Variants in VLDLR observed in about 807,000 individuals in gnomAD.
VLDLR encodes very low-density lipoprotein receptor.
Under a neutral mutation model 112.7 loss-of-function variants are expected in VLDLR, and 81 were observed. The ratio of observed to expected loss-of-function variants is 0.72; its 90% CI spans 0.60 to 0.86. VLDLR has a LOEUF of 0.86. Among genes scored for constraint, VLDLR ranks in the 40% least tolerant of loss-of-function variants. VLDLR has a pLI of 0.00. For missense variants in VLDLR, 1,237 were observed against 1,099.4 expected (o/e 1.13, Z -1.77); for synonymous variants, 436 against 384.8 (o/e 1.13, Z -1.56).
chr9:2,637,370 C>T (rs919033896), intron 2 of VLDLR, among the ~76,000 whole-genome samples: 1 of 152,150 alleles, frequency 6.6e-6, no homozygotes, highest in Non-Finnish European at 1.5e-5. Flanking sequence ...TTCTGTTGGT[C>T]CCATTAACTC....
chr9:2,651,755 ATTG>A lies in VLDLR; in HGVS notation c.2336-114_2336-112del, dbSNP rs1236474080. 5 of 1,130,722 alleles carry A rather than the reference ATTG, an allele frequency of 4.4e-6. No individual in the cohort carries two copies. The South Asian group carries it at 6.5e-5, about 15-fold the overall frequency. The allele number at this position is 1,130,722 out of a possible 1,614,324, so 70.0% of individuals were successfully genotyped here. ...AAGCCAGAGTTGTTCCTGGTGTTCA[ATTG>A]TTGTAGATACTGAACATCAATATTG... is the stretch of plus-strand genomic sequence containing the variant. On this transcript the variant is annotated intron_variant, in intron 16 of 18. Coordinates refer to ENST00000382100, the MANE Select transcript of VLDLR (RefSeq NM_003383.5).
intron 14 of VLDLR, among the ~76,000 whole-genome samples, chr9:2,649,703 A>T (rs888418978): frequency 6.6e-6 from 1 of 152,194 alleles, no homozygotes. Flanking sequence ...ATTGGATTAG[A>T]GCCCACCTTA....
chr9:2,633,971 T>G (rs1265137449), intron 1 of VLDLR, among the ~76,000 whole-genome samples: 2 of 152,136 alleles, frequency 1.3e-5, no homozygotes, highest in Non-Finnish European at 2.9e-5. Flanking sequence ...ATCCCTAGTA[T>G]ATTACAACCA....
In VLDLR at chr9:2,643,297, C is replaced by T. The variant is rs1198650593; in HGVS notation, c.586C>T (p.His196Tyr). The change falls in exon 5 of 19, where the codon CAT becomes TAT. Residue 196 changes from histidine to tyrosine, a missense_variant. Coordinates refer to ENST00000382100, the MANE Select transcript of VLDLR (RefSeq NM_003383.5). ...CTGTGCCCCGCCAACCTGTGGCGCCCATGAGTTCCAGTGCAGCACCTCCTC... is the reference window on the plus strand; with the variant it reads ...CTGTGCCCCGCCAACCTGTGGCGCCTATGAGTTCCAGTGCAGCACCTCCTC... ...LDCAPPTCGA[H>Y]EFQCSTSSCI... 6.2e-7 allele frequency: 1 copy of T among 1,613,754 alleles called. No homozygotes were observed. The highest frequency in any genetic ancestry group is 8.5e-7 in the Non-Finnish European group (1 of 1,179,688).
intron 4 of VLDLR, among the ~76,000 whole-genome samples, chr9:2,642,784 T>C (rs1817883677): frequency 6.6e-6 from 1 of 152,236 alleles, no homozygotes; most frequent in Non-Finnish European, 1.5e-5. Flanking sequence ...TATTCTCAAC[T>C]AGTGATAAGA....
intron 10 of VLDLR, among the ~76,000 whole-genome samples, 172 bp downstream of exon 10, chr9:2,645,917 T>C (rs1270489564): frequency 6.6e-6 from 1 of 152,230 alleles, no homozygotes; most frequent in Non-Finnish European, 1.5e-5. Flanking sequence ...CACTTCCTAA[T>C]TAGAAACTAA....
At chr9:2,641,926 C>T (rs1238804626) in intron 4 of VLDLR, among the ~76,000 whole-genome samples, 2 of 149,428 alleles carry the variant, frequency 1.3e-5, no homozygotes, top group Admixed American at 6.7e-5. Context: ...ATTATACAAG[C>T]ATTTCTTTGC....
In VLDLR at chr9:2,653,355, T is replaced by G. The variant is rs139255497; in HGVS notation, c.2586+406T>G. Among the ~76,000 whole-genome samples the G allele has an allele frequency of 8.4e-3, 1,282 of 152,316 alleles. 25 individuals are homozygous for G. The highest frequency in any genetic ancestry group is 0.03 in the African/African-American group (1,232 of 41,566). ...AAGATTCACTTAGCCAAAATTATTA[T>G]ATGCTTTGCTTTAAAAAGGTATCCC... On this transcript the variant is annotated intron_variant, in intron 18 of 18. Transcript: ENST00000382100.
chr9:2,635,525 G>A lies in VLDLR; in HGVS notation c.155G>A (p.Cys52Tyr), dbSNP rs1261902702. The A allele has an allele frequency of 1.2e-6, 2 of 1,614,164 alleles. No homozygotes were observed. The highest frequency in any genetic ancestry group is 8.5e-7 in the Non-Finnish European group (1 of 1,179,996). Residue 52 changes from cysteine (C) to tyrosine (Y), a missense_variant, in exon 2 of 19, where the codon TGT becomes TAT. Transcript: ENST00000382100. Reference sequence around the variant, plus strand: ...CGCTGTATTACGCTGTTGTGGAAATGTGATGGGGATGAAGACTGTGTTGAC... The same window carrying A: ...CGCTGTATTACGCTGTTGTGGAAATATGATGGGGATGAAGACTGTGTTGAC... ...NGRCITLLWK[C>Y]DGDEDCVDGS...
chr9:2,628,876 G>T (rs1817215777), intron 1 of VLDLR, among the ~76,000 whole-genome samples: 1 of 152,164 alleles, frequency 6.6e-6, no homozygotes, highest in African/African-American at 2.4e-5. Flanking sequence ...CATGTGTATT[G>T]TAAAAGAGGC....
At position 2,622,142 on chromosome 9, in the gene VLDLR, G is replaced by C. The variant is rs1054805961; in HGVS notation, c.-48G>C. 2 of 1,398,694 alleles carry C rather than the reference G, an allele frequency of 1.4e-6. No individual in the cohort carries two copies. The highest frequency in any genetic ancestry group is 1.9e-6 in the Non-Finnish European group (2 of 1,066,516). The allele number at this position is 1,398,694 out of a possible 1,614,324, so 86.6% of individuals were successfully genotyped here. A position where few individuals can be genotyped will look rare whatever the true frequency, so the allele number is the denominator to read the frequency against. ...AAGGACTGGTAACTTGTCGTGCGGA[G>C]CGAACGGCGGCGGCGGCGGCGGCGG... On this transcript the variant is annotated 5_prime_UTR_variant, in exon 1 of 19. Transcript: ENST00000382100.
At position 2,644,794 on chromosome 9, in the gene VLDLR, T is replaced by TTAA. The variant is rs764911047; in HGVS notation, c.1127_1128insTAA (p.Ile376_Gly377insLys). On this transcript the variant is annotated inframe_insertion, in exon 8 of 19. Coordinates refer to ENST00000382100, the MANE Select transcript of VLDLR (RefSeq NM_003383.5). ...TCTCATATCTGCAAAGACCTAGTTATAGGCTACGAGTGTGACTGTGCAGCT... is the reference window on the plus strand; with the variant it reads ...TCTCATATCTGCAAAGACCTAGTTATTAAAGGCTACGAGTGTGACTGTGCAGCT... 1.2e-6 allele frequency: 2 copies of TTAA among 1,614,218 alleles called. No individual in the cohort carries two copies. Among genetic ancestry groups the TTAA allele is most frequent in the Admixed American group, 3.3e-5 (2 of 60,028 alleles).
At position 2,643,451 on chromosome 9, in the gene VLDLR, G is replaced by A; in HGVS notation, c.740G>A (p.Gly247Asp). ...TGTCCAGCCAGCGAAATCCAGTGCG[G>A]CTCTGGCGAGTGCATCCATAAGAAG... ...TKCPASEIQC[G>D]SGECIHKKWR... Residue 247 changes from glycine (G) to aspartate (D), a missense_variant, in exon 5 of 19, where the codon GGC becomes GAC. By Grantham distance (94) the Gly-to-Asp change is moderately conservative. Coordinates refer to ENST00000382100, the MANE Select transcript of VLDLR (RefSeq NM_003383.5). 6.2e-7 allele frequency: 1 copy of A among 1,614,204 alleles called. No homozygotes were observed. The highest frequency in any genetic ancestry group is 8.5e-7 in the Non-Finnish European group (1 of 1,180,028).
intron 4 of VLDLR, among the ~76,000 whole-genome samples, chr9:2,641,800 A>T (rs901020693): frequency 1.5e-4 from 23 of 152,158 alleles, no homozygotes; most frequent in African/African-American, 5.6e-4. Context: ...TTTTGTTTTG[A>T]CAGTAATTCA....
chr9:2,646,058 A>G (rs1818054387), intron 10 of VLDLR, among the ~76,000 whole-genome samples: 1 of 152,042 alleles, frequency 6.6e-6, no homozygotes, highest in African/African-American at 2.4e-5. Flanking sequence ...CTTAATGGGA[A>G]CTATAGAAAC....
At chr9:2,638,995 G>T (rs890172285) in intron 2 of VLDLR, among the ~76,000 whole-genome samples, 5 of 152,172 alleles carry the variant, frequency 3.3e-5, no homozygotes, top group African/African-American at 1.2e-4. Context: ...CTTTGCCCCT[G>T]TAGACCAGTA....
Position 2,643,621 on chromosome 9 carries a change from T to C in VLDLR, c.821-7T>C. The C allele has an allele frequency of 7.4e-6, 12 of 1,614,198 alleles. No individual in the cohort carries two copies. Among genetic ancestry groups the C allele is most frequent in the Non-Finnish European group, 1.0e-5 (12 of 1,180,040 alleles). On this transcript the variant is annotated splice_region_variant and splice_polypyrimidine_tract_variant and intron_variant, in intron 5 of 18. Transcript: ENST00000382100. ...GCTTCATTCCATGGTGTTTCCTCCC[T>C]TTGTAGCCTCTCGAACTTGCCGACC...
In VLDLR at chr9:2,650,370, G is replaced by T. The variant is rs775800819; in HGVS notation, c.2105G>T (p.Gly702Val). ...IVYHELVQPS[G>V]KNWCEEDMEN... ...TAATGGTATTTTTTTTCCTGACTAG[G>T]TAAAAATTGGTGTGAAGAAGACATG... Residue 702 changes from glycine to valine, a missense_variant and splice_region_variant, in exon 15 of 19, where the codon GGT (glycine) becomes GTT (valine). Physicochemically the swap from Gly to Val is moderately radical, Grantham distance 109 (BLOSUM62 -3). Transcript: ENST00000382100. 1.3e-5 allele frequency: 21 copies of T among 1,613,852 alleles called. No individual in the cohort carries two copies. In the South Asian group the frequency reaches 2.3e-4, roughly 18 times the overall value.
rs544483091 is a variant in VLDLR at position 2,653,710 on chromosome 9, ACT to A, written c.2587-122_2587-121del. On this transcript the variant is annotated intron_variant, in intron 18 of 18. Coordinates refer to ENST00000382100, the MANE Select transcript of VLDLR (RefSeq NM_003383.5). ...CTCAGTATTCTTTTGTATCTGACTG[ACT>A]TTTCTTCTAAGCACTCTGAGTGTTT... 2.1e-3 allele frequency: 2,034 copies of A among 978,576 alleles called. 38 individuals carry two copies. In the African/African-American group the frequency reaches 0.029, roughly 14 times the overall value. 60.6% of individuals were successfully genotyped at this position (978,576 alleles called of 1,614,324 possible). A position where few individuals can be genotyped will look rare whatever the true frequency, so the allele number is the denominator to read the frequency against.
Sources: allele counts gnomAD v4.1 joint callset (sites outside exome capture counted in the v4.1 genomes callset), GRCh38; gene constraint gnomAD v4.1.1; transcripts MANE v1.5; gene names NCBI Gene and HGNC (gene_info 2026-07-23, HGNC 2026-07-21).